Variants in MLH3 observed in about 807,000 individuals in gnomAD.
MLH3 encodes the protein mutL homolog 3.
In MLH3, 82 loss-of-function variants were observed where a neutral mutation model predicts 122.2. The observed-to-expected ratio is 0.67, with a 90% confidence interval of 0.56 to 0.81. The LOEUF (loss-of-function observed/expected upper bound fraction) is 0.81, where lower values mean the gene tolerates loss of function less well. Ranked by LOEUF, MLH3 falls within the 30% of genes least tolerant of loss-of-function variation. The pLI, the probability that MLH3 is intolerant of heterozygous loss-of-function variation, is 0.00. For synonymous variants in MLH3, 524 were observed against 599.5 expected (o/e 0.87, Z 1.84); for missense variants, 1,539 against 1,714.5 (o/e 0.90, Z 1.81).
chr14:75,037,265 A>T (rs912020501), intron 6 of MLH3, among the ~76,000 whole-genome samples: 2 of 152,078 alleles, frequency 1.3e-5, no homozygotes, highest in African/African-American at 2.4e-5. Context: ...TTCAGACCTC[A>T]TTTTACCAAG....
chr14:75,020,053 A>C (rs1031884540), intron 11 of MLH3, among the ~76,000 whole-genome samples: 3 of 152,220 alleles, frequency 2.0e-5, no homozygotes, highest in African/African-American at 7.2e-5. Context: ...CTGAGACTTT[A>C]GGTTAAGAAA....
Position 75,045,031 on chromosome 14 carries a change from G to A in MLH3, c.3280+1345C>T, listed in dbSNP as rs543942973. Among the ~76,000 whole-genome samples, 5 of 152,208 alleles carry A rather than the reference G, an allele frequency of 3.3e-5. No homozygotes were observed. The East Asian group carries it at 5.8e-4, about 18-fold the overall frequency. On this transcript the variant is annotated intron_variant, in intron 2 of 12. Transcript: ENST00000355774. ...AGGCTCTAATGTAGCCCTGTGGTACGATCTAAAAGCTATATTGGTTGGGTG... is the reference window on the plus strand; with the variant it reads ...AGGCTCTAATGTAGCCCTGTGGTACAATCTAAAAGCTATATTGGTTGGGTG...
rs1009026527 is a variant in MLH3, at chr14:75,048,166, A to G, written c.1490T>C (p.Leu497Ser). Residue 497 changes from leucine to serine, a missense_variant, in exon 2 of 13, where the codon TTA becomes TCA. Transcript: ENST00000355774. ...TAAACTGGTTCCACACGGATTTTCTAAAGAGCTATGTTCCAGGAAAGATTT... is the reference window on the plus strand; with the variant it reads ...TAAACTGGTTCCACACGGATTTTCTGAAGAGCTATGTTCCAGGAAAGATTT... Reference protein sequence around the residue: ...HKKSFLEHSSLENPCGTSLEM... With the variant: ...HKKSFLEHSSSENPCGTSLEM... 1.2e-5 allele frequency: 19 copies of G among 1,614,022 alleles called. No individual in the cohort carries two copies. The highest frequency in any genetic ancestry group is 1.7e-5 in the Admixed American group (1 of 60,006).
chr14:75,034,308 C>T (rs1299251443), intron 6 of MLH3, among the ~76,000 whole-genome samples: 1 of 152,050 alleles, frequency 6.6e-6, no homozygotes, highest in Non-Finnish European at 1.5e-5. Flanking sequence ...GATAAAGGAT[C>T]GTTAAACAAC....
intron 8 of MLH3, 75 bp downstream of exon 8, chr14:75,031,993 T>C: frequency 2.0e-6 from 2 of 981,984 alleles, no homozygotes; most frequent in Admixed American, 3.6e-5. Flanking sequence ...AATGGAACAA[T>C]AGTTATGCTT....
chr14:75,035,062 CA>C (rs36096670), intron 6 of MLH3, among the ~76,000 whole-genome samples: 1,204 of 40,214 alleles, frequency 0.03, 16 homozygotes, highest in African/African-American at 0.11. Context: ...GACTCCATCT[CA>C]AAAAAAAAAA....
In MLH3 at chr14:75,048,633, C is replaced by T; in HGVS notation, c.1023G>A (p.Gln341=). ...GCTTTAAAAACATTTTCACTCCTTC[C>T]TGAATGCAAAACAAGAGAGTGTCCC... is the stretch of plus-strand genomic sequence containing the variant. ...QNWDTLLFCI[Q]EGVKMFLKQE... is the part of the protein sequence containing the mutation. Residue 341 remains glutamine, a synonymous_variant, in exon 2 of 13, where the codon CAG becomes CAA. Transcript: ENST00000355774. The T allele has an allele frequency of 6.2e-7, 1 of 1,614,114 alleles. No homozygotes were observed. Among genetic ancestry groups the T allele is most frequent in the Non-Finnish European group, 8.5e-7 (1 of 1,180,016 alleles).
chr14:75,018,096 G>C (rs1301614986), intron 12 of MLH3, among the ~76,000 whole-genome samples: 1 of 151,994 alleles, frequency 6.6e-6, no homozygotes, highest in Non-Finnish European at 1.5e-5. Context: ...GGTGAGCCAA[G>C]ATCGCACCAT....
At chr14:75,027,765 TA>T (rs1890756088) in intron 9 of MLH3, among the ~76,000 whole-genome samples, 1 of 151,512 alleles carries the variant, frequency 6.6e-6, no homozygotes, top group Non-Finnish European at 1.5e-5. Context: ...ACACTTTTTT[TA>T]ATCTAAATAA....
intron 2 of MLH3, among the ~76,000 whole-genome samples, chr14:75,042,807 G>A (rs554690915): frequency 6.7e-6 from 1 of 150,290 alleles, no homozygotes. Flanking sequence ...ACGGCGTCTC[G>A]CTCTGTCGCC....
At chr14:75,027,479 CA>C (rs1890707489) in intron 9 of MLH3, among the ~76,000 whole-genome samples, 1 of 151,734 alleles carries the variant, frequency 6.6e-6, no homozygotes. Flanking sequence ...AGGCTGGTCT[CA>C]AAACTCCTGA....
intron 9 of MLH3, among the ~76,000 whole-genome samples, chr14:75,024,155 T>C (rs1890471811): frequency 6.6e-6 from 1 of 152,194 alleles, no homozygotes; most frequent in Non-Finnish European, 1.5e-5. Context: ...TGTTTAATGC[T>C]GGATAATTTA....
At chr14:75,044,172 A>G (rs540791400) in intron 2 of MLH3, among the ~76,000 whole-genome samples, 6 of 152,310 alleles carry the variant, frequency 3.9e-5, no homozygotes, top group African/African-American at 1.4e-4. Context: ...GTCATGATGT[A>G]TATCAGCCAT....
Position 75,047,327 on chromosome 14 carries a change from C to T in MLH3, c.2329G>A (p.Gly777Arg). 1 of 1,614,070 alleles carries T rather than the reference C, an allele frequency of 6.2e-7. No individual in the cohort carries two copies. Among genetic ancestry groups the T allele is most frequent in the African/African-American group, 1.3e-5 (1 of 75,026 alleles). ...PLDTEVEESNGVTTNLSLQVE... is the reference protein window; with the variant it reads ...PLDTEVEESNRVTTNLSLQVE... ...TGAAGACTGAGATTGGTAGTGACTC[C>T]ATTACTTTCCTCTACTTCTGTATCC... The change falls in exon 2 of 13, where the codon GGA becomes AGA. Residue 777 changes from glycine (G) to arginine (R), a missense_variant. Physicochemically the swap from Gly to Arg is moderately radical, Grantham distance 125. Transcript: ENST00000355774.
rs145063005 is a variant in MLH3 at position 75,039,846 on chromosome 14, C to CATATATATATATAT, written c.3570+51_3570+64dup. On this transcript the variant is annotated intron_variant, in intron 5 of 12. Transcript: ENST00000355774. ...AAATCAAATTTTAGAAGAGTTAGGC[C>CATATATATATATAT]ATATATATATATATATATATATATA... 3.4e-3 allele frequency: 1,080 copies of CATATATATATATAT among 321,430 alleles called. 47 individuals carry two copies. Among genetic ancestry groups the CATATATATATATAT allele is most frequent in the Admixed American group, 5.4e-3 (74 of 13,590 alleles). The allele number at this position is 321,430 out of a possible 1,614,324, so 19.9% of individuals were successfully genotyped here.
chr14:75,042,325 G>C, intron 3 of MLH3, 54 bp downstream of exon 3: 1 of 1,480,326 alleles, frequency 6.8e-7, no homozygotes, highest in Non-Finnish European at 9.4e-7. Flanking sequence ...TTTGTTTTTT[G>C]AGTTAGGTGG....
rs1892456852 is a variant in MLH3 at position 75,048,836 on chromosome 14, T to C, written c.820A>G (p.Lys274Glu). ...LHKLIDFLLR[K>E]ESIICKPKNG... is the part of the protein sequence containing the mutation. Reference sequence around the variant, plus strand: ...TTTGGCTTGCATATAATACTTTCTTTCCTTAATAAAAAGTCAATGAGTTTA... The same window carrying C: ...TTTGGCTTGCATATAATACTTTCTTCCCTTAATAAAAAGTCAATGAGTTTA... The change falls in exon 2 of 13, where the codon AAA becomes GAA. Residue 274 changes from lysine to glutamate, a missense_variant. Physicochemically the swap from Lys to Glu is moderately conservative, Grantham distance 56. Coordinates refer to ENST00000355774, the MANE Select transcript of MLH3 (RefSeq NM_001040108.2). 2 of 1,614,048 alleles carry C rather than the reference T, an allele frequency of 1.2e-6. No individual in the cohort carries two copies. Among genetic ancestry groups the C allele is most frequent in the Admixed American group, 1.7e-5 (1 of 60,008 alleles).
Position 75,046,559 on chromosome 14 carries a change from C to G in MLH3, c.3097G>C (p.Glu1033Gln). ...CAACACGTGTTTGACTCTTCAGTTT[C>G]AGAACAAGCTCTTGCTTTAGATTCC... ...SEESKARACS[E>Q]TEESNTCCSD... Residue 1033 changes from glutamate (E) to glutamine (Q), a missense_variant, in exon 2 of 13, where the codon GAA becomes CAA. Physicochemically the swap from Glu to Gln is conservative, Grantham distance 29. Coordinates refer to ENST00000355774, the MANE Select transcript of MLH3 (RefSeq NM_001040108.2). The G allele has an allele frequency of 6.2e-7, 1 of 1,614,206 alleles. No homozygotes were observed. The highest frequency in any genetic ancestry group is 8.5e-7 in the Non-Finnish European group (1 of 1,180,034).
chr14:75,026,390 G>T (rs974137123), intron 9 of MLH3, among the ~76,000 whole-genome samples: 2 of 152,164 alleles, frequency 1.3e-5, no homozygotes, highest in Non-Finnish European at 2.9e-5. Flanking sequence ...AAAACTCAGT[G>T]GATAAGCTAA....
Sources: allele counts gnomAD v4.1 joint callset (sites outside exome capture counted in the v4.1 genomes callset), GRCh38; gene constraint gnomAD v4.1.1; transcripts MANE v1.5; gene names NCBI Gene and HGNC (gene_info 2026-07-23, HGNC 2026-07-21).